ERC2: variants seen among roughly 807,000 people sequenced by gnomAD.
ERC2 encodes ERC protein 2.
ERC2 carries 42 observed loss-of-function variants against 114.8 expected under a neutral mutation model. The observed-to-expected ratio is 0.37, with a 90% CI of 0.29 to 0.47. The LOEUF (loss-of-function observed/expected upper bound fraction) is 0.47. Ranked by LOEUF, ERC2 falls within the 20% of genes least tolerant of loss-of-function variation. The probability of loss-of-function intolerance (pLI) is 0.99; values close to 1 mark genes in which losing one functional copy is unlikely to be tolerated. For synonymous variants in ERC2, 454 were observed against 425.5 expected, an observed-to-expected ratio of 1.07 and a Z score of -0.82; for missense variants, 939 against 1,150.7, an observed-to-expected ratio of 0.82 and a Z score of 2.66.
intron 3 of ERC2, among the ~76,000 whole-genome samples, chr3:56,263,496 C>A (rs1273407583): frequency 6.6e-6 from 1 of 152,066 alleles, no homozygotes; most frequent in Non-Finnish European, 1.5e-5. Context: ...GCTCCAGCAG[C>A]CCCCCGCAGA....
intron 15 of ERC2, among the ~76,000 whole-genome samples, chr3:55,702,364 A>G (rs2063268519): frequency 6.6e-6 from 1 of 152,188 alleles, no homozygotes; most frequent in Non-Finnish European, 1.5e-5. Flanking sequence ...TGAAACAGAG[A>G]TGAAAAATGA....
Position 56,010,429 on chromosome 3 carries a change from A to G in ERC2, c.1920+20T>C. 2 of 1,610,852 alleles carry G rather than the reference A, an allele frequency of 1.2e-6. No homozygotes were observed. Among genetic ancestry groups the G allele is most frequent in the Non-Finnish European group, 1.7e-6 (2 of 1,178,728 alleles). ...TTTATGAGGACTATCAATGTGGTTCATTTGTTTTTCCAGACTCACCTCTTT... is the reference window on the plus strand; with the variant it reads ...TTTATGAGGACTATCAATGTGGTTCGTTTGTTTTTCCAGACTCACCTCTTT... On this transcript the variant is annotated intron_variant, in intron 9 of 17. Transcript: ENST00000288221.
At chr3:55,790,778 T>C (rs1383493068) in intron 14 of ERC2, among the ~76,000 whole-genome samples, 1 of 152,230 alleles carries the variant, frequency 6.6e-6, no homozygotes, top group Non-Finnish European at 1.5e-5. Context: ...ACAGCAGCCA[T>C]GCCTACCGTA....
At chr3:56,305,853 G>A (rs543574075) in intron 2 of ERC2, among the ~76,000 whole-genome samples, 1 of 151,834 alleles carries the variant, frequency 6.6e-6, no homozygotes, top group Non-Finnish European at 1.5e-5. Context: ...TCTTTTTTTT[G>A]TTTGTTTGTT....
chr3:55,567,679 CAGG>C (rs1005909778), intron 17 of ERC2, among the ~76,000 whole-genome samples: 8 of 151,870 alleles, frequency 5.3e-5, no homozygotes, highest in African/African-American at 1.5e-4. Flanking sequence ...CAAGGTTTTT[CAGG>C]AGGAGGACTG....
chr3:55,807,122 T>C (rs1418532600), intron 14 of ERC2, among the ~76,000 whole-genome samples: 2 of 152,122 alleles, frequency 1.3e-5, no homozygotes, highest in Admixed American at 1.3e-4. Flanking sequence ...TGAAGGACGG[T>C]GAAGGATGAC....
At chr3:56,417,280 T>C (rs2061203451) in intron 2 of ERC2, among the ~76,000 whole-genome samples, 1 of 152,250 alleles carries the variant, frequency 6.6e-6, no homozygotes, top group African/African-American at 2.4e-5. Context: ...TTTTTTTCTA[T>C]TACTCCCTAC....
chr3:55,788,199 C>A (rs927060167), intron 14 of ERC2, among the ~76,000 whole-genome samples: 4 of 152,212 alleles, frequency 2.6e-5, no homozygotes, highest in Non-Finnish European at 5.9e-5. Flanking sequence ...TGTGGCAGGG[C>A]TTGGGCCAGT....
chr3:56,151,776 G>T (rs1181672162), intron 4 of ERC2, among the ~76,000 whole-genome samples: 1 of 152,088 alleles, frequency 6.6e-6, no homozygotes, highest in African/African-American at 2.4e-5. Flanking sequence ...TGTGACATAC[G>T]GATGTTGAGA....
At chr3:56,300,363 C>T (rs1307453488) in intron 2 of ERC2, among the ~76,000 whole-genome samples, 1 of 150,590 alleles carries the variant, frequency 6.6e-6, no homozygotes, top group Non-Finnish European at 1.5e-5. Flanking sequence ...ATAGAAGCAA[C>T]ACTATGTCAT....
At chr3:56,459,493 A>G (rs746880765) in intron 1 of ERC2, among the ~76,000 whole-genome samples, 6 of 151,650 alleles carry the variant, frequency 4.0e-5, no homozygotes, top group Middle Eastern at 6.8e-3. Flanking sequence ...GGTGGAAAGT[A>G]TTAAGACAGG....
chr3:56,134,926 TTTTGTTTTTG>T (rs1335450834), intron 6 of ERC2, among the ~76,000 whole-genome samples: 13 of 129,352 alleles, frequency 1.0e-4, no homozygotes, highest in African/African-American at 3.6e-4. Flanking sequence ...TTTTGTTTTT[TTTTGTTTTTG>T]TTTTTGTTTT....
At chr3:55,814,313 ACAAAGC>A (rs1330278133) in intron 14 of ERC2, among the ~76,000 whole-genome samples, 11 of 152,190 alleles carry the variant, frequency 7.2e-5, no homozygotes, top group Non-Finnish European at 1.5e-5. Context: ...TATACGATAC[ACAAAGC>A]CAGTGGTAAT....
chr3:55,537,818 A>G (rs1411290796), intron 17 of ERC2, among the ~76,000 whole-genome samples: 1 of 152,248 alleles, frequency 6.6e-6, no homozygotes, highest in Non-Finnish European at 1.5e-5. Context: ...TTTTGAAAAA[A>G]GTTTCATTAG....
At chr3:56,435,186 T>C (rs925758662) in intron 1 of ERC2, 39 bp from the exon 2 acceptor site, 10 of 583,182 alleles carry the variant, frequency 1.7e-5, no homozygotes, top group East Asian at 8.6e-5. Context: ...AACAAATTTC[T>C]TTAGAACTCT....
At chr3:56,031,147 C>A (rs1341249398) in intron 7 of ERC2, among the ~76,000 whole-genome samples, 2 of 152,206 alleles carry the variant, frequency 1.3e-5, no homozygotes, top group Admixed American at 1.3e-4. Context: ...ACCAGGCCTG[C>A]CCCAGCCCAG....
intron 2 of ERC2, among the ~76,000 whole-genome samples, chr3:56,346,139 A>G (rs914944553): frequency 6.6e-6 from 1 of 152,174 alleles, no homozygotes; most frequent in Non-Finnish European, 1.5e-5. Context: ...AGGAATCTCT[A>G]TGGAAAGGAA....
At chr3:56,466,874 T>C (rs1317788741) in intron 1 of ERC2, among the ~76,000 whole-genome samples, 2 of 152,212 alleles carry the variant, frequency 1.3e-5, no homozygotes. Context: ...ACGGTACATG[T>C]TGTCTCTTAT....
intron 12 of ERC2, among the ~76,000 whole-genome samples, chr3:55,961,193 C>A (rs1327444527): frequency 6.6e-6 from 1 of 152,182 alleles, no homozygotes; most frequent in Non-Finnish European, 1.5e-5. Context: ...CAAGTCTTAT[C>A]TCACCCTACT....
Sources: gnomAD v4.1 joint callset for allele counts (sites outside exome capture counted in the v4.1 genomes callset) on GRCh38, gnomAD v4.1.1 for gene constraint, MANE v1.5 for transcripts, NCBI Gene and HGNC (gene_info 2026-07-23, HGNC 2026-07-21) for gene names.